Variants in RADX observed in about 807,000 individuals in gnomAD.
The protein encoded by RADX is RPA-related protein RADX.
A neutral mutation model predicts 61.6 loss-of-function variants in RADX; 36 were observed. That is an observed-to-expected ratio of 0.58 (90% CI 0.45 to 0.77). RADX has a LOEUF of 0.77. Among genes scored for constraint, RADX ranks in the 30% least tolerant of loss-of-function variants. The pLI, the probability that RADX is intolerant of heterozygous loss-of-function variation, is 0.00. For synonymous variants in RADX, 272 were observed against 237.9 expected (o/e 1.14, Z -1.32); for missense variants, 497 against 651.1 (o/e 0.76, Z 2.58).
At chrX:106,635,575 T>C (rs1927339871) in intron 6 of RADX, among the ~76,000 whole-genome samples, 2 of 111,607 alleles carry the variant, frequency 1.8e-5, no homozygotes, top group African/African-American at 3.2e-5. Flanking sequence ...TAAATTAAGG[T>C]AATTCTTAGC....
chrX:106,651,014 A>T (rs932055003), intron 11 of RADX, among the ~76,000 whole-genome samples: 1 of 111,376 alleles, frequency 9.0e-6, no homozygotes, highest in Non-Finnish European at 1.9e-5. Context: ...CAGAACAGAG[A>T]TAGTTAGGAA....
At chrX:106,634,115 A>G (rs1236223522) in intron 6 of RADX, among the ~76,000 whole-genome samples, 1 of 111,389 alleles carries the variant, frequency 9.0e-6, no homozygotes, top group Non-Finnish European at 1.9e-5. Flanking sequence ...GTGTGTTTGT[A>G]TATATCTATC....
At chrX:106,619,124 A>G (rs1926881533) in intron 1 of RADX, among the ~76,000 whole-genome samples, 1 of 109,899 alleles carries the variant, frequency 9.1e-6, no homozygotes, top group Admixed American at 9.7e-5. Context: ...CTAGTCTCCT[A>G]GTTGTTACTG....
intron 1 of RADX, among the ~76,000 whole-genome samples, chrX:106,614,133 A>G: frequency 8.9e-6 from 1 of 111,921 alleles, no homozygotes; most frequent in Non-Finnish European, 1.9e-5. Flanking sequence ...TGTAAAATTT[A>G]TTCAGTTTTG....
At chrX:106,650,674 T>G (rs1927771274) in intron 11 of RADX, among the ~76,000 whole-genome samples, 1 of 111,307 alleles carries the variant, frequency 9.0e-6, no homozygotes, top group Admixed American at 9.6e-5. Flanking sequence ...GCCTCAGCCT[T>G]CCAAAGTGCT....
chrX:106,662,259 T>G lies in RADX; in HGVS notation c.2223T>G (p.Asp741Glu), dbSNP rs980017985. ...PPEGRPPKLDDFKSARSLGHF... is the reference protein window; with the variant it reads ...PPEGRPPKLDEFKSARSLGHF... ...AAGGAAGGCCCCCAAAACTTGATGA[T>G]TTTAAGAGCGCCCGAAGCCTTGGAC... is the stretch of plus-strand genomic sequence containing the variant. Residue 741 changes from aspartate to glutamate, a missense_variant, in exon 12 of 14, where the codon GAT becomes GAG. Physicochemically the swap from Asp to Glu is conservative, Grantham distance 45. Transcript: ENST00000372548. 3.3e-6 allele frequency: 4 copies of G among 1,208,744 alleles called. No individual in the cohort carries two copies. The highest frequency in any genetic ancestry group is 4.4e-5 in the Admixed American group (2 of 45,557).
At chrX:106,671,131 A>G (rs760506564) in intron 13 of RADX, among the ~76,000 whole-genome samples, 1 of 111,819 alleles carries the variant, frequency 8.9e-6, no homozygotes, top group Non-Finnish European at 1.9e-5. Flanking sequence ...TCTTTAAGAA[A>G]TGATTTTTGC....
rs371726706 is a variant in RADX at position 106,672,035 on chromosome X, C to T, written c.2437+2705C>T. On this transcript the variant is annotated intron_variant, in intron 13 of 13. Transcript: ENST00000372548. ...GTAGCTGCTGGTTTTATGTCATACTCAGGCATCACTCAGGTCAAGACTACA... is the reference window on the plus strand; with the variant it reads ...GTAGCTGCTGGTTTTATGTCATACTTAGGCATCACTCAGGTCAAGACTACA... 6.3e-5 allele frequency among the ~76,000 whole-genome samples: 7 copies of T among 111,654 alleles called. No individual in the cohort carries two copies. In the East Asian group the frequency reaches 1.1e-3, roughly 18 times the overall value.
intron 7 of RADX, among the ~76,000 whole-genome samples, chrX:106,637,081 C>T (rs1285207591): frequency 9.0e-6 from 1 of 111,622 alleles, no homozygotes; most frequent in Non-Finnish European, 1.9e-5. Context: ...AGAGAGGTCT[C>T]ATTACTTGTC....
chrX:106,651,658 G>A (rs1265154914), intron 11 of RADX, among the ~76,000 whole-genome samples: 4 of 111,384 alleles, frequency 3.6e-5, no homozygotes, highest in Non-Finnish European at 7.5e-5. Flanking sequence ...GGAAAGATGA[G>A]AATTAAAGCA....
In RADX at chrX:106,636,296, G is replaced by A. The variant is rs184291564; in HGVS notation, c.1304-247G>A. Among the ~76,000 whole-genome samples the A allele has an allele frequency of 2.4e-4, 27 of 111,806 alleles. No homozygotes were observed. The Admixed American group carries it at 2.5e-3, about 10-fold the overall frequency. ...GGGGCCTCTCGCAAAAAGCAGAGTA[G>A]TGTTAAACCCTTATTGTTCCTAGTG... On this transcript the variant is annotated intron_variant, in intron 6 of 13. Transcript: ENST00000372548.
chrX:106,678,213 G>A lies in RADX; in HGVS notation c.2523G>A (p.Val841=). The A allele has an allele frequency of 8.6e-7, 1 of 1,169,133 alleles. No homozygotes were observed. Among genetic ancestry groups the A allele is most frequent in the Non-Finnish European group, 1.2e-6 (1 of 857,514 alleles). Residue 841 remains valine, a synonymous_variant, in exon 14 of 14, where the codon GTG becomes GTA. Transcript: ENST00000372548. ...TCTGTAATTTGGGTAATAATAAAGT[G>A]GAAGTCTATTTGCACAAGATTTATA... ...LDICNLGNNK[V]EVYLHKIYSP...
At chrX:106,656,831 T>C (rs1344175401) in intron 11 of RADX, among the ~76,000 whole-genome samples, 2 of 111,930 alleles carry the variant, frequency 1.8e-5, no homozygotes, top group Middle Eastern at 4.6e-3. Flanking sequence ...TGAGGCTTTG[T>C]TCCATTTCTA....
In RADX at chrX:106,612,673, A is replaced by G; in HGVS notation, c.593A>G (p.Tyr198Cys). ...GCGCTGTGGAATAACGAAGATCCCT[A>G]TGGAGATATCTGGTTAACAGACAAG... is the stretch of plus-strand genomic sequence containing the variant. ...YLALWNNEDPYGDIWLTDKQP... is the reference protein window; with the variant it reads ...YLALWNNEDPCGDIWLTDKQP... The change falls in exon 1 of 14, where the codon TAT becomes TGT. Residue 198 changes from tyrosine to cysteine, a missense_variant. Transcript: ENST00000372548. 6 of 1,207,297 alleles carry G rather than the reference A, an allele frequency of 5.0e-6. No individual in the cohort carries two copies. The highest frequency in any genetic ancestry group is 6.7e-6 in the Non-Finnish European group (6 of 894,164).
chrX:106,662,361 A>C, intron 12 of RADX, 56 bp downstream of exon 12: 1 of 1,047,954 alleles, frequency 9.5e-7, no homozygotes, highest in Non-Finnish European at 1.3e-6. Context: ...AAATATACCT[A>C]CTATTTCGCT....
intron 2 of RADX, among the ~76,000 whole-genome samples, chrX:106,623,765 A>G (rs193040362): frequency 3.6e-5 from 4 of 111,616 alleles, no homozygotes; most frequent in Admixed American, 1.9e-4. Context: ...TGTGCATACA[A>G]TTTTGTGTCG....
At chrX:106,644,883 T>C (rs1185639560) in intron 10 of RADX, among the ~76,000 whole-genome samples, 1 of 111,137 alleles carries the variant, frequency 9.0e-6, no homozygotes, top group East Asian at 2.8e-4. Flanking sequence ...TTCATCAGTG[T>C]AGCCATTGGA....
At chrX:106,664,502 G>GT (rs1174086238) in intron 12 of RADX, among the ~76,000 whole-genome samples, 1 of 111,790 alleles carries the variant, frequency 8.9e-6, no homozygotes, top group Non-Finnish European at 1.9e-5. Flanking sequence ...TCTTCAGATA[G>GT]TTGCTTCGTG....
At chrX:106,634,117 A>ATATC (rs957279634) in intron 6 of RADX, among the ~76,000 whole-genome samples, 4 of 111,226 alleles carry the variant, frequency 3.6e-5, no homozygotes, top group Non-Finnish European at 5.7e-5. Context: ...GTGTTTGTAT[A>ATATC]TATCTATCTA....
Sources: gnomAD v4.1 joint callset for allele counts (sites outside exome capture counted in the v4.1 genomes callset) on GRCh38, gnomAD v4.1.1 for gene constraint, MANE v1.5 for transcripts, NCBI Gene and HGNC (gene_info 2026-07-23, HGNC 2026-07-21) for gene names.